Variants in RNF20 observed in about 807,000 individuals in gnomAD.
RNF20 encodes E3 ubiquitin-protein ligase BRE1A.
A neutral mutation model predicts 126.2 loss-of-function variants in RNF20; 84 were observed. The ratio of observed to expected loss-of-function variants is 0.67; its 90% CI spans 0.56 to 0.80. RNF20 has a LOEUF of 0.80. RNF20 is among the 30% of genes least tolerant of loss of function. The probability of loss-of-function intolerance (pLI) is 0.00; values close to 1 mark genes in which losing one functional copy is unlikely to be tolerated. For synonymous variants in RNF20, 400 were observed against 414.3 expected, an observed-to-expected ratio of 0.97 and a Z score of 0.42; for missense variants, 869 against 1,188.2, an observed-to-expected ratio of 0.73 and a Z score of 3.95.
intron 6 of RNF20, among the ~76,000 whole-genome samples, chr9:101,545,468 G>A (rs910840026): frequency 6.6e-6 from 1 of 152,108 alleles, no homozygotes; most frequent in Non-Finnish European, 1.5e-5. Context: ...CCATTTTATT[G>A]CCAAAGAAAC....
rs749754172 is a variant in RNF20 at position 101,552,652 on chromosome 9, A to G, written c.1800A>G (p.Ser600=). The G allele has an allele frequency of 6.6e-7, 1 of 1,517,264 alleles. No homozygotes were observed. 94.0% of individuals were successfully genotyped at this position (1,517,264 alleles called of 1,614,324 possible). A position where few individuals can be genotyped will look rare whatever the true frequency, so the allele number is the denominator to read the frequency against. The change falls in exon 13 of 20, where the codon TCA becomes TCG. Residue 600 remains serine (S), a synonymous_variant. Transcript: ENST00000389120. Reference sequence around the variant, plus strand: ...GAGAGAAGCAGAAGCTAAAAGAGTCAGAAAAAGAGAGAGATTCTGCTAAGG... The same window carrying G: ...GAGAGAAGCAGAAGCTAAAAGAGTCGGAAAAAGAGAGAGATTCTGCTAAGG... The part of the protein sequence containing the change: ...REREKQKLKE[S]EKERDSAKDK...
intron 5 of RNF20, among the ~76,000 whole-genome samples, chr9:101,542,590 G>C (rs1392290264): frequency 6.6e-6 from 1 of 152,136 alleles, no homozygotes; most frequent in Non-Finnish European, 1.5e-5. Context: ...ATGGTGCTTT[G>C]TGTGTGCACA....
In RNF20 at chr9:101,550,669, T is replaced by A. The variant is rs1420522898; in HGVS notation, c.1156T>A (p.Ser386Thr). 6.2e-7 allele frequency: 1 copy of A among 1,614,124 alleles called. No homozygotes were observed. The highest frequency in any genetic ancestry group is 1.7e-5 in the Admixed American group (1 of 60,022). The change falls in exon 10 of 20, where the codon TCA (serine) becomes ACA (threonine). Residue 386 changes from serine (S) to threonine (T), a missense_variant. By Grantham distance (58) the Ser-to-Thr change is moderately conservative. Transcript: ENST00000389120. Reference sequence around the variant, plus strand: ...AACTCCAGAATATCGCTGCATGCAGTCACAGTTCTCCGTCTTGTATAATGA... The same window carrying A: ...AACTCCAGAATATCGCTGCATGCAGACACAGTTCTCCGTCTTGTATAATGA... The part of the protein sequence containing the change: ...KETPEYRCMQ[S>T]QFSVLYNESL...
At position 101,562,645 on chromosome 9, in the gene RNF20, A is replaced by G. The variant is rs918019569; in HGVS notation, c.*223A>G. On this transcript the variant is annotated 3_prime_UTR_variant, in exon 20 of 20. Coordinates refer to ENST00000389120, the MANE Select transcript of RNF20 (RefSeq NM_019592.7). The stretch of plus-strand genomic sequence containing the variant: ...GGGTTTCAGAATGAATTAGAAACAA[A>G]TAACTCTTACTGTCTTCCCTCCCAG... 3 of 447,456 alleles carry G rather than the reference A, an allele frequency of 6.7e-6. No individual in the cohort carries two copies. Among genetic ancestry groups the G allele is most frequent in the South Asian group, 5.1e-5 (1 of 19,766 alleles). The allele number at this position is 447,456 out of a possible 1,614,324, so 27.7% of individuals were successfully genotyped here. A position where few individuals can be genotyped will look rare whatever the true frequency, so the allele number is the denominator to read the frequency against.
intron 16 of RNF20, chr9:101,560,597 C>A (rs187320258): frequency 5.1e-6 from 2 of 393,704 alleles, no homozygotes; most frequent in Admixed American, 4.3e-5. Context: ...CAGACTCTTA[C>A]TGAATCTTCC....
At chr9:101,557,698 G>C (rs767549293) in intron 16 of RNF20, 102 bp downstream of exon 16, 3 of 891,652 alleles carry the variant, frequency 3.4e-6, no homozygotes, top group Non-Finnish European at 5.1e-6. Context: ...TTTGTGATTG[G>C]AAAAAAATTT....
At position 101,542,283 on chromosome 9, in the gene RNF20, G is replaced by A. The variant is rs534827820; in HGVS notation, c.628+1308G>A. Among the ~76,000 whole-genome samples, 5 of 152,266 alleles carry A rather than the reference G, an allele frequency of 3.3e-5. 1 individual carries two copies. In the East Asian group the frequency reaches 7.7e-4, roughly 23 times the overall value. ...TTTATTATAAGGAAAACAGATACTT[G>A]TTTAAAAATATACAAGTCAGAAATA... On this transcript the variant is annotated intron_variant, in intron 5 of 19. Transcript: ENST00000389120.
chr9:101,554,607 T>G lies in RNF20; in HGVS notation c.2020-87T>G, dbSNP rs991230277. On this transcript the variant is annotated intron_variant, in intron 14 of 19. Coordinates refer to ENST00000389120, the MANE Select transcript of RNF20 (RefSeq NM_019592.7). ...TTCTGTAAAGACTCTTTTGGTATTA[T>G]GAACCTTCTATCTTTGCACAGTATT... The G allele has an allele frequency of 1.2e-5, 14 of 1,137,286 alleles. 1 individual carries two copies. In the African/African-American group the frequency reaches 2.2e-4, roughly 18 times the overall value. 70.4% of individuals were successfully genotyped at this position (1,137,286 alleles called of 1,614,324 possible).
At chr9:101,547,257 C>T in intron 8 of RNF20, 43 bp downstream of exon 8, 1 of 1,605,972 alleles carries the variant, frequency 6.2e-7, no homozygotes, top group Non-Finnish European at 8.5e-7. Flanking sequence ...TGTATGTCAG[C>T]TTTCATGCTT....
Position 101,557,521 on chromosome 9 carries a change from G to A in RNF20, c.2307G>A (p.Lys769=). 1 of 1,614,040 alleles carries A rather than the reference G, an allele frequency of 6.2e-7. No homozygotes were observed. The highest frequency in any genetic ancestry group is 8.5e-7 in the Non-Finnish European group (1 of 1,179,940). The stretch of plus-strand genomic sequence containing the variant: ...TCAAGCTCATGTCAGAGCGTATCAA[G>A]TCCAATCAGATCCATAAGTTGCTTA... ...ANFKLMSERI[K]SNQIHKLLKE... is the part of the protein sequence containing the mutation. The change falls in exon 16 of 20, where the codon AAG becomes AAA. Residue 769 remains lysine, a synonymous_variant. Coordinates refer to ENST00000389120, the MANE Select transcript of RNF20 (RefSeq NM_019592.7).
chr9:101,554,145 C>A, intron 14 of RNF20, 40 bp downstream of exon 14: 2 of 1,170,986 alleles, frequency 1.7e-6, no homozygotes, highest in Non-Finnish European at 1.3e-6. Flanking sequence ...TGGTTAAAAT[C>A]TTCATTTGTG....
At position 101,557,985 on chromosome 9, in the gene RNF20, T is replaced by C. The variant is rs576733164; in HGVS notation, c.2382+389T>C. Among the ~76,000 whole-genome samples the C allele has an allele frequency of 3.9e-5, 6 of 152,026 alleles. No individual in the cohort carries two copies. The South Asian group carries it at 1.2e-3, about 32-fold the overall frequency. ...TATTGGGATGAGTTGTGGGTGAGGTTAGGAGGTATGTGTGATTTTACTTTT... is the reference window on the plus strand; with the variant it reads ...TATTGGGATGAGTTGTGGGTGAGGTCAGGAGGTATGTGTGATTTTACTTTT... On this transcript the variant is annotated intron_variant, in intron 16 of 19. Coordinates refer to ENST00000389120, the MANE Select transcript of RNF20 (RefSeq NM_019592.7).
chr9:101,552,466 A>G lies in RNF20; in HGVS notation c.1614A>G (p.Pro538=). The change falls in exon 13 of 20, where the codon CCA becomes CCG. Residue 538 remains proline (P), a synonymous_variant. Coordinates refer to ENST00000389120, the MANE Select transcript of RNF20 (RefSeq NM_019592.7). ...DPKDEPAELK[P]DSEDLSSQSS... Reference sequence around the variant, plus strand: ...AGGATGAGCCTGCGGAGCTAAAACCAGATTCTGAGGACTTATCCTCCCAGT... The same window carrying G: ...AGGATGAGCCTGCGGAGCTAAAACCGGATTCTGAGGACTTATCCTCCCAGT... 1 of 1,613,686 alleles carries G rather than the reference A, an allele frequency of 6.2e-7. No homozygotes were observed. The highest frequency in any genetic ancestry group is 8.5e-7 in the Non-Finnish European group (1 of 1,179,584).
chr9:101,552,573 GGGAGAA>G lies in RNF20; in HGVS notation c.1727_1732del (p.Lys576_Glu577del), dbSNP rs762550545. The stretch of plus-strand genomic sequence containing the variant: ...GAAGAAGAACGAGAACGAGAAAGGA[GGGAGAA>G]GGAGAGGGAACGAGAAAGAGAACGG... On this transcript the variant is annotated inframe_deletion, in exon 13 of 20. Coordinates refer to ENST00000389120, the MANE Select transcript of RNF20 (RefSeq NM_019592.7). 2 of 1,605,824 alleles carry G rather than the reference GGGAGAA, an allele frequency of 1.2e-6. No individual in the cohort carries two copies. Among genetic ancestry groups the G allele is most frequent in the Non-Finnish European group, 1.7e-6 (2 of 1,172,548 alleles).
chr9:101,561,141 G>A lies in RNF20; in HGVS notation c.2560G>A (p.Ala854Thr), dbSNP rs764053578. 1.2e-6 allele frequency: 2 copies of A among 1,613,938 alleles called. No individual in the cohort carries two copies. The highest frequency in any genetic ancestry group is 3.3e-5 in the Admixed American group (2 of 60,006). ...ADDLKAQLEL[A>T]QKKLHDFQDE... ...TGACCTCAAAGCACAACTGGAGTTG[G>A]CTCAGAAGAAGCTACATGATTTTCA... The change falls in exon 18 of 20, where the codon GCT becomes ACT. Residue 854 changes from alanine (A) to threonine (T), a missense_variant. Transcript: ENST00000389120.
chr9:101,550,663 A>G lies in RNF20; in HGVS notation c.1150A>G (p.Met384Val). Residue 384 changes from methionine (M) to valine (V), a missense_variant, in exon 10 of 20, where the codon ATG becomes GTG. By Grantham distance (21) the Met-to-Val change is conservative. Around this residue, in one of 8 missense-constraint regions of RNF20, gnomAD observed 153 missense variants for 226.4 expected, o/e 0.68. Coordinates refer to ENST00000389120, the MANE Select transcript of RNF20 (RefSeq NM_019592.7). ...TAAGGAAACTCCAGAATATCGCTGCATGCAGTCACAGTTCTCCGTCTTGTA... is the reference window on the plus strand; with the variant it reads ...TAAGGAAACTCCAGAATATCGCTGCGTGCAGTCACAGTTCTCCGTCTTGTA... Reference protein sequence around the residue: ...VVKETPEYRCMQSQFSVLYNE... With the variant: ...VVKETPEYRCVQSQFSVLYNE... The G allele has an allele frequency of 1.9e-6, 3 of 1,614,170 alleles. No individual in the cohort carries two copies. Among genetic ancestry groups the G allele is most frequent in the East Asian group, 2.2e-5 (1 of 44,878 alleles).
At chr9:101,557,680 G>A in intron 16 of RNF20, 84 bp downstream of exon 16, 1 of 1,101,772 alleles carries the variant, frequency 9.1e-7, no homozygotes, top group Non-Finnish European at 1.3e-6. Context: ...TGATTATTGT[G>A]GCACATTTTT....
At position 101,557,438 on chromosome 9, in the gene RNF20, A is replaced by G. The variant is rs758391646; in HGVS notation, c.2224A>G (p.Met742Val). Residue 742 changes from methionine to valine, a missense_variant, in exon 16 of 20, where the codon ATG (methionine) becomes GTG (valine). Met to Val is a conservative substitution (Grantham distance 21). This residue lies in a region of RNF20 where 30 missense variants were observed against 75.2 expected (regional missense o/e 0.40). Transcript: ENST00000389120. ...TGTCACAGGCCAGGCCTTTGAAGAC[A>G]TGCAGGAGCAAAATATCCGTTTGAT... ...MDVTGQAFED[M>V]QEQNIRLMQQ... is the part of the protein sequence containing the mutation. 1.9e-6 allele frequency: 3 copies of G among 1,613,958 alleles called. No homozygotes were observed. Among genetic ancestry groups the G allele is most frequent in the South Asian group, 1.1e-5 (1 of 91,090 alleles).
At position 101,540,539 on chromosome 9, in the gene RNF20, G is replaced by A. The variant is rs1174323111; in HGVS notation, c.347G>A (p.Gly116Asp). The change falls in exon 4 of 20, where the codon GGC becomes GAC. Residue 116 changes from glycine to aspartate, a missense_variant. Physicochemically the swap from Gly to Asp is moderately conservative, Grantham distance 94. Around this residue, in one of 8 missense-constraint regions of RNF20, gnomAD observed 157 missense variants for 236.0 expected, o/e 0.67. Transcript: ENST00000389120. ...CTTAAACGTTATGATCTGGAGCAGGGCTTGGGAGACCTACTCACAGAACGA... is the reference window on the plus strand; with the variant it reads ...CTTAAACGTTATGATCTGGAGCAGGACTTGGGAGACCTACTCACAGAACGA... ...IILKRYDLEQGLGDLLTERKA... is the reference protein window; with the variant it reads ...IILKRYDLEQDLGDLLTERKA... 6.2e-7 allele frequency: 1 copy of A among 1,613,902 alleles called. No homozygotes were observed. The highest frequency in any genetic ancestry group is 8.5e-7 in the Non-Finnish European group (1 of 1,179,898).
Sources: gnomAD v4.1 joint callset for allele counts (sites outside exome capture counted in the v4.1 genomes callset) on GRCh38, gnomAD v4.1.1 for gene constraint, gnomAD v4.1.1 regional missense constraint, MANE v1.5 for transcripts, NCBI Gene and HGNC (gene_info 2026-07-23, HGNC 2026-07-21) for gene names.